ZFAND3: variants seen among roughly 807,000 people sequenced by gnomAD.
The protein encoded by ZFAND3 is zinc finger AN1-type containing 3, also known as AN1-type zinc finger protein 3.
Under a neutral mutation model 29.6 loss-of-function variants are expected in ZFAND3, and 10 were observed. That is an observed-to-expected ratio of 0.34 (90% confidence interval 0.21 to 0.57). ZFAND3 has a LOEUF of 0.57. Among genes scored for constraint, ZFAND3 ranks in the 20% least tolerant of loss-of-function variants. ZFAND3 has a pLI of 0.86. For missense variants in ZFAND3, 230 were observed against 304.5 expected, an observed-to-expected ratio of 0.76 and a Z score of 1.82; for synonymous variants, 128 against 112.6, an observed-to-expected ratio of 1.14 and a Z score of -0.87.
intron 1 of ZFAND3, among the ~76,000 whole-genome samples, chr6:37,903,833 C>G (rs1765361871): frequency 6.6e-6 from 1 of 152,112 alleles, no homozygotes; most frequent in South Asian, 2.1e-4. Flanking sequence ...AGCTGCTATT[C>G]TAAACAATAG....
At chr6:37,953,805 G>C (rs2127421889) in intron 2 of ZFAND3, among the ~76,000 whole-genome samples, 5 of 152,166 alleles carry the variant, frequency 3.3e-5, no homozygotes, top group Admixed American at 3.3e-4. Flanking sequence ...ATATGTACTT[G>C]TCTATTTAAT....
chr6:38,144,211 A>ATATATATAATATATATATAT (rs70981524), intron 5 of ZFAND3, among the ~76,000 whole-genome samples: 1 of 45,878 alleles, frequency 2.2e-5, no homozygotes, highest in African/African-American at 1.2e-4. Context: ...ATATATATAT[A>ATATATATAATATATATATAT]ATATATAATA....
chr6:38,090,425 A>G (rs1042628934), intron 4 of ZFAND3, among the ~76,000 whole-genome samples: 1 of 152,202 alleles, frequency 6.6e-6, no homozygotes, highest in Non-Finnish European at 1.5e-5. Context: ...ATTTAAATAA[A>G]TGTTTTACCT....
At chr6:37,839,049 A>G (rs886797881) in intron 1 of ZFAND3, among the ~76,000 whole-genome samples, 7 of 152,216 alleles carry the variant, frequency 4.6e-5, no homozygotes, top group Admixed American at 4.6e-4. Context: ...GCATTTCCTT[A>G]ATGACTGATG....
At chr6:38,032,541 T>C (rs1011963191) in intron 2 of ZFAND3, among the ~76,000 whole-genome samples, 1 of 152,242 alleles carries the variant, frequency 6.6e-6, no homozygotes, top group Non-Finnish European at 1.5e-5. Flanking sequence ...AATAAAACTC[T>C]GAGCACCTAC....
In ZFAND3 at chr6:38,061,863, C is replaced by T. The variant is rs9369030; in HGVS notation, c.295+88C>T. The T allele has an allele frequency of 5.5e-6, 8 of 1,449,536 alleles. No homozygotes were observed. In the East Asian group the frequency reaches 1.9e-4, roughly 35 times the overall value. 89.8% of individuals were successfully genotyped at this position (1,449,536 alleles called of 1,614,324 possible). A position where few individuals can be genotyped will look rare whatever the true frequency, so the allele number is the denominator to read the frequency against. On this transcript the variant is annotated intron_variant, in intron 3 of 5. Transcript: ENST00000287218. ...TGGTAATGCCTGACCCCAGAAAAAA[C>T]AGCACTTCTTTTAATTCAAGATAAG...
intron 1 of ZFAND3, among the ~76,000 whole-genome samples, chr6:37,831,956 T>C (rs1489991559): frequency 2.0e-5 from 3 of 152,198 alleles, no homozygotes; most frequent in African/African-American, 7.2e-5. Flanking sequence ...TTATAATATG[T>C]TTCAAAAAAG....
At chr6:37,966,607 A>G (rs1480268318) in intron 2 of ZFAND3, among the ~76,000 whole-genome samples, 1 of 152,132 alleles carries the variant, frequency 6.6e-6, no homozygotes, top group African/African-American at 2.4e-5. Flanking sequence ...TACCTTAAAA[A>G]AAAAAATCAC....
At chr6:37,870,846 T>C (rs1193624688) in intron 1 of ZFAND3, among the ~76,000 whole-genome samples, 4 of 152,302 alleles carry the variant, frequency 2.6e-5, no homozygotes, top group Middle Eastern at 6.8e-3. Context: ...CTCCTCGCTA[T>C]AAATCAGTAA....
intron 4 of ZFAND3, among the ~76,000 whole-genome samples, chr6:38,099,552 A>G (rs1171787874): frequency 6.6e-6 from 1 of 152,208 alleles, no homozygotes; most frequent in Non-Finnish European, 1.5e-5. Context: ...CATTAGCTCA[A>G]TAGGACAGGG....
intron 1 of ZFAND3, among the ~76,000 whole-genome samples, chr6:37,914,016 C>T (rs1361506524): frequency 6.6e-6 from 1 of 152,056 alleles, no homozygotes; most frequent in African/African-American, 2.4e-5. Context: ...TGAGTTACTG[C>T]ACCTGGCTGG....
chr6:37,960,669 T>G (rs1367020468), intron 2 of ZFAND3, among the ~76,000 whole-genome samples: 1 of 152,194 alleles, frequency 6.6e-6, no homozygotes, highest in Non-Finnish European at 1.5e-5. Context: ...ATTTACATGT[T>G]CATTCATTCT....
chr6:37,821,127 G>GT (rs1319755267), intron 1 of ZFAND3, among the ~76,000 whole-genome samples: 77 of 152,348 alleles, frequency 5.1e-4, no homozygotes, highest in African/African-American at 1.8e-3. Flanking sequence ...TATGGAAGTA[G>GT]TTTTCCCTTT....
intron 4 of ZFAND3, among the ~76,000 whole-genome samples, chr6:38,086,204 A>T (rs1192868252): frequency 6.6e-6 from 1 of 152,184 alleles, no homozygotes; most frequent in Non-Finnish European, 1.5e-5. Context: ...TCTTTATATG[A>T]TGGCTTTTAG....
chr6:37,875,923 G>A (rs1323323082), intron 1 of ZFAND3, among the ~76,000 whole-genome samples: 10 of 151,578 alleles, frequency 6.6e-5, no homozygotes, highest in Admixed American at 6.6e-4. Context: ...TTCTCTCCTT[G>A]GCCTCCCAAA....
intron 1 of ZFAND3, among the ~76,000 whole-genome samples, chr6:37,905,423 G>C (rs989772312): frequency 2.0e-5 from 3 of 152,048 alleles, no homozygotes; most frequent in African/African-American, 4.8e-5. Flanking sequence ...TTGAAATTTG[G>C]TGACAATCAC....
intron 4 of ZFAND3, among the ~76,000 whole-genome samples, chr6:38,109,360 A>G (rs1017344917): frequency 1.3e-5 from 2 of 151,932 alleles, no homozygotes; most frequent in African/African-American, 4.8e-5. Flanking sequence ...TTGTATTTTT[A>G]GTAGAGACAG....
intron 1 of ZFAND3, among the ~76,000 whole-genome samples, chr6:37,923,449 T>G (rs1056380117): frequency 6.6e-6 from 1 of 152,166 alleles, no homozygotes; most frequent in African/African-American, 2.4e-5. Context: ...TAACAATGCC[T>G]TCTTCTGGAT....
At chr6:37,934,879 T>A (rs932691193) in intron 2 of ZFAND3, among the ~76,000 whole-genome samples, 4 of 149,214 alleles carry the variant, frequency 2.7e-5, no homozygotes, top group South Asian at 2.1e-4. Flanking sequence ...AAGTTAATCT[T>A]ACCATACTAT....
Sources: allele counts gnomAD v4.1 joint callset (sites outside exome capture counted in the v4.1 genomes callset), GRCh38; gene constraint gnomAD v4.1.1; transcripts MANE v1.5; gene names NCBI Gene and HGNC (gene_info 2026-07-23, HGNC 2026-07-21).